The following ACSF3 variants were observed in gnomAD, a reference collection of about 807,000 sequenced individuals.
The protein encoded by ACSF3 is malonate--CoA ligase ACSF3, mitochondrial.
In ACSF3, 78 loss-of-function variants were observed where a neutral mutation model predicts 53.2. That is an observed-to-expected ratio of 1.47 (90% confidence interval 1.22 to 1.77). The LOEUF (loss-of-function observed/expected upper bound fraction) is 1.77. Among genes scored for constraint, ACSF3 ranks in the 40% most tolerant of loss-of-function variants. ACSF3 has a pLI of 0.00. For synonymous variants in ACSF3, 414 were observed against 333.1 expected (o/e 1.24, Z -2.65); for missense variants, 937 against 771.1 (o/e 1.22, Z -2.55).
At chr16:89,096,068 G>A (rs771031916) in intron 1 of ACSF3, among the ~76,000 whole-genome samples, 3 of 151,854 alleles carry the variant, frequency 2.0e-5, no homozygotes, top group Admixed American at 1.3e-4. Flanking sequence ...CTCCCTCCCC[G>A]AGGGCTGGAG....
chr16:89,138,394 T>G (rs1180133081), intron 8 of ACSF3, among the ~76,000 whole-genome samples: 1 of 152,148 alleles, frequency 6.6e-6, no homozygotes, highest in Non-Finnish European at 1.5e-5. Flanking sequence ...GGCATCTCTG[T>G]GGGGCAAGGG....
intron 6 of ACSF3, chr16:89,115,118 C>G (rs779009670): frequency 4.7e-6 from 1 of 213,842 alleles, no homozygotes; most frequent in East Asian, 1.1e-4. Context: ...TCTGCGCAGC[C>G]CTTCCAGTCT....
chr16:89,114,568 A>C, intron 6 of ACSF3, 81 bp downstream of exon 6: 19 of 1,583,202 alleles, frequency 1.2e-5, no homozygotes, highest in South Asian at 4.4e-5. Context: ...AACCACCCAC[A>C]TTCGGACTGA....
At position 89,136,413 on chromosome 16, in the gene ACSF3, T is replaced by G. The variant is rs915522750; in HGVS notation, c.1366+3151T>G. 7.1e-5 allele frequency: 62 copies of G among 870,778 alleles called. No homozygotes were observed. The African/African-American group carries it at 9.2e-4, about 13-fold the overall frequency. The allele number at this position is 870,778 out of a possible 1,614,324, so 53.9% of individuals were successfully genotyped here. A position where few individuals can be genotyped will look rare whatever the true frequency, so the allele number is the denominator to read the frequency against. On this transcript the variant is annotated intron_variant, in intron 8 of 10. Transcript: ENST00000614302. ...TCGGGGGTAAGGCCTGGAAGCCGCA[T>G]GTCTTTGTCACAGGCCATTAGCGAT...
Position 89,155,992 on chromosome 16 carries a change from CGTT to C in ACSF3, c.*1787_*1789del, listed in dbSNP as rs1406587792. On this transcript the variant is annotated 3_prime_UTR_variant, in exon 11 of 11. Transcript: ENST00000614302. ...CACAAACTACAGAAAGCCTGGAGCT[CGTT>C]GACCAGCCGGTTGACCAGAATACGG... 2 of 359,950 alleles carry C rather than the reference CGTT, an allele frequency of 5.6e-6. No individual in the cohort carries two copies. The highest frequency in any genetic ancestry group is 1.1e-5 in the Non-Finnish European group (2 of 185,136). The allele number at this position is 359,950 out of a possible 1,614,324, so 22.3% of individuals were successfully genotyped here. A position where few individuals can be genotyped will look rare whatever the true frequency, so the allele number is the denominator to read the frequency against.
At chr16:89,142,578 C>T (rs1912012610) in intron 8 of ACSF3, among the ~76,000 whole-genome samples, 1 of 151,272 alleles carries the variant, frequency 6.6e-6, no homozygotes, top group African/African-American at 2.4e-5. Context: ...GACACACCCA[C>T]ACCTGCAGAG....
At chr16:89,102,072 G>A (rs996112373) in intron 3 of ACSF3, among the ~76,000 whole-genome samples, 7 of 152,264 alleles carry the variant, frequency 4.6e-5, no homozygotes, top group South Asian at 2.1e-4. Context: ...AGTGTCCTCC[G>A]TGAGATTGGA....
In ACSF3 at chr16:89,120,845, T is replaced by C; in HGVS notation, c.1171T>C (p.Ser391Pro). The C allele has an allele frequency of 6.2e-7, 1 of 1,614,050 alleles. No homozygotes were observed. Among genetic ancestry groups the C allele is most frequent in the Non-Finnish European group, 8.5e-7 (1 of 1,179,972 alleles). ...PLPGVQVRIV[S>P]ENPQREACSY... ...GCCTGGAGTACAGGTGCGCATTGTC[T>C]CAGAAAACCCACAGAGGGAAGCCTG... Residue 391 changes from serine to proline, a missense_variant, in exon 7 of 11, where the codon TCA becomes CCA. Ser to Pro is a moderately conservative substitution (Grantham distance 74). Transcript: ENST00000614302.
chr16:89,138,796 C>T (rs1483612606), intron 8 of ACSF3, among the ~76,000 whole-genome samples: 1 of 152,260 alleles, frequency 6.6e-6, no homozygotes, highest in Non-Finnish European at 1.5e-5. Flanking sequence ...CCATGGTCTT[C>T]AGATGTGTCT....
Position 89,146,069 on chromosome 16 carries a change from G to GC in ACSF3, c.1613+21dup. ...GGCCAGGTAGGGCTGGGTGGGGCGG[G>GC]CAGGGAGCACTCATGGGGTCTTGGG... On this transcript the variant is annotated intron_variant, in intron 10 of 10. Coordinates refer to ENST00000614302, the MANE Select transcript of ACSF3 (RefSeq NM_001243279.3). The GC allele has an allele frequency of 7.5e-6, 4 of 534,946 alleles. No individual in the cohort carries two copies. The highest frequency in any genetic ancestry group is 1.5e-5 in the Non-Finnish European group (4 of 262,918). 33.1% of individuals were successfully genotyped at this position (534,946 alleles called of 1,614,324 possible).
chr16:89,109,017 G>T (rs1976352626), intron 4 of ACSF3, among the ~76,000 whole-genome samples: 1 of 152,048 alleles, frequency 6.6e-6, no homozygotes, highest in Admixed American at 6.5e-5. Flanking sequence ...TGGATCACTT[G>T]AGGTCAGGAG....
intron 7 of ACSF3, among the ~76,000 whole-genome samples, chr16:89,123,895 A>G (rs1250562808): frequency 1.3e-5 from 2 of 152,272 alleles, no homozygotes; most frequent in East Asian, 1.9e-4. Flanking sequence ...CCTGTGACAT[A>G]TCACAGGTAC....
chr16:89,112,967 A>C (rs1320242398), intron 5 of ACSF3, among the ~76,000 whole-genome samples: 1 of 151,848 alleles, frequency 6.6e-6, no homozygotes, highest in African/African-American at 2.4e-5. Flanking sequence ...CCTCCCTCCC[A>C]GGACAAGCTG....
intron 6 of ACSF3, among the ~76,000 whole-genome samples, chr16:89,115,569 G>A (rs991583093): frequency 6.6e-6 from 1 of 152,232 alleles, no homozygotes; most frequent in Non-Finnish European, 1.5e-5. Context: ...GCAATGACAC[G>A]TGAGATGTTA....
At chr16:89,133,386 G>A in intron 8 of ACSF3, 124 bp downstream of exon 8, 4 of 1,337,918 alleles carry the variant, frequency 3.0e-6, no homozygotes, top group Non-Finnish European at 4.2e-6. Flanking sequence ...GCAGAAGATG[G>A]GGTGGAGTGG....
chr16:89,131,878 C>T (rs1909395716), intron 7 of ACSF3, among the ~76,000 whole-genome samples: 1 of 152,264 alleles, frequency 6.6e-6, no homozygotes, highest in African/African-American at 2.4e-5. Context: ...TTAGGCTGGG[C>T]ACTGCACGGA....
chr16:89,114,427 G>A lies in ACSF3; in HGVS notation c.1066G>A (p.Gly356Ser). 3 of 1,613,844 alleles carry A rather than the reference G, an allele frequency of 1.9e-6. No individual in the cohort carries two copies. Among genetic ancestry groups the A allele is most frequent in the East Asian group, 2.2e-5 (1 of 44,880 alleles). ...ITGHTLLERY[G>S]MTEIGMALSG... ...GGGCCACACCCTGCTGGAGCGGTAT[G>A]GCATGACCGAGATCGGCATGGCTCT... is the stretch of plus-strand genomic sequence containing the variant. Residue 356 changes from glycine (G) to serine (S), a missense_variant, in exon 6 of 11, where the codon GGC becomes AGC. By Grantham distance (56) the Gly-to-Ser change is moderately conservative. Coordinates refer to ENST00000614302, the MANE Select transcript of ACSF3 (RefSeq NM_001243279.3).
intron 8 of ACSF3, chr16:89,136,675 T>C: frequency 7.8e-7 from 1 of 1,287,122 alleles, no homozygotes; most frequent in Non-Finnish European, 1.0e-6. Flanking sequence ...CGGGTCAGGA[T>C]GAGAGGAGAG....
At chr16:89,095,690 A>G (rs1335856626) in intron 1 of ACSF3, among the ~76,000 whole-genome samples, 1 of 152,120 alleles carries the variant, frequency 6.6e-6, no homozygotes, top group African/African-American at 2.4e-5. Flanking sequence ...TGCGAGTGTC[A>G]TTCTCATCTA....
Sources: allele counts gnomAD v4.1 joint callset (sites outside exome capture counted in the v4.1 genomes callset), GRCh38; gene constraint gnomAD v4.1.1; transcripts MANE v1.5; gene names NCBI Gene and HGNC (gene_info 2026-07-23, HGNC 2026-07-21).